PRKN: variants seen among roughly 807,000 people sequenced by gnomAD.
PRKN encodes E3 ubiquitin-protein ligase parkin.
Under a neutral mutation model 59.5 loss-of-function variants are expected in PRKN, and 56 were observed. The ratio of observed to expected loss-of-function variants is 0.94; its 90% CI spans 0.76 to 1.18. The LOEUF is 1.18. PRKN is among the 50% of genes most tolerant of loss of function. The probability of loss-of-function intolerance (pLI) is 0.00; values close to 1 mark genes in which losing one functional copy is unlikely to be tolerated. For missense variants in PRKN, 657 were observed against 596.4 expected, an observed-to-expected ratio of 1.10 and a Z score of -1.06; for synonymous variants, 250 against 222.1, an observed-to-expected ratio of 1.13 and a Z score of -1.12.
rs192793331 is a variant in PRKN, at chr6:161,566,699, G to T, written c.933+2656C>A. Among the ~76,000 whole-genome samples, 1 of 152,022 alleles carries T rather than the reference G, an allele frequency of 6.6e-6. No homozygotes were observed. Among genetic ancestry groups the T allele is most frequent in the Non-Finnish European group, 1.5e-5 (1 of 67,992 alleles). ...TGGGATTACAGGTGTGAGCTGCCAC[G>T]CCTGGCCTCCTCCCACTTTATTATT... On this transcript the variant is annotated intron_variant, in intron 8 of 11. Transcript: ENST00000366898. This position sits in a 1 kb window ranked among gnomAD's most constrained non-coding sequence, Gnocchi z 4.1.
At chr6:161,420,393 G>T (rs1788045496) in intron 9 of PRKN, among the ~76,000 whole-genome samples, 2 of 152,184 alleles carry the variant, frequency 1.3e-5, no homozygotes, top group South Asian at 4.1e-4. Flanking sequence ...GCAAGGGCTG[G>T]AGTGGCCTCA....
At chr6:162,390,755 A>G (rs1027715901) in intron 2 of PRKN, among the ~76,000 whole-genome samples, 1 of 152,026 alleles carries the variant, frequency 6.6e-6, no homozygotes, top group African/African-American at 2.4e-5. Flanking sequence ...GCTAAGGTAT[A>G]TTAACGGTCA....
chr6:161,537,923 C>T (rs1583204469), intron 9 of PRKN, among the ~76,000 whole-genome samples: 1 of 152,270 alleles, frequency 6.6e-6, no homozygotes, highest in Non-Finnish European at 1.5e-5. Context: ...AGCACTAATA[C>T]CTTGAGAGGA....
At chr6:162,381,570 C>T (rs1206981625) in intron 2 of PRKN, among the ~76,000 whole-genome samples, 1 of 152,174 alleles carries the variant, frequency 6.6e-6, no homozygotes, top group Admixed American at 6.5e-5. Context: ...TTCCATTTAT[C>T]ATGTTTCTAT....
intron 7 of PRKN, among the ~76,000 whole-genome samples, chr6:161,695,322 A>C (rs1785974116): frequency 6.6e-6 from 1 of 152,220 alleles, no homozygotes; most frequent in Non-Finnish European, 1.5e-5. Context: ...TTCCTCTATA[A>C]TGATGAACAA....
At chr6:162,330,887 A>AC (rs1433989393) in intron 2 of PRKN, among the ~76,000 whole-genome samples, 1 of 152,196 alleles carries the variant, frequency 6.6e-6, no homozygotes, top group African/African-American at 2.4e-5. Flanking sequence ...TCAACAGCCC[A>AC]CCTAAAGCCA....
intron 7 of PRKN, among the ~76,000 whole-genome samples, chr6:161,709,720 C>T (rs1030614753): frequency 6.6e-6 from 1 of 152,076 alleles, no homozygotes; most frequent in Non-Finnish European, 1.5e-5. Flanking sequence ...TTTGCTGTCT[C>T]CATTAAATCT....
At chr6:162,326,179 C>T (rs1177446885) in intron 2 of PRKN, among the ~76,000 whole-genome samples, 3 of 151,966 alleles carry the variant, frequency 2.0e-5, no homozygotes, top group Non-Finnish European at 4.4e-5. Flanking sequence ...GTTGAAGTTA[C>T]AACAAATTAA....
chr6:161,349,898 T>C lies in PRKN; in HGVS notation c.*201A>G. ...AGGAGCTTCTTCTGTAATTTTACTC[T>C]GCTGTTTTTCATGGACATAGTGAAA... On this transcript the variant is annotated 3_prime_UTR_variant, in exon 12 of 12. Coordinates refer to ENST00000366898, the MANE Select transcript of PRKN (RefSeq NM_004562.3). The surrounding 1 kb of genome is among the most constrained non-coding windows in gnomAD (Gnocchi z 5.5). 1 of 622,840 alleles carries C rather than the reference T, an allele frequency of 1.6e-6. No homozygotes were observed. The highest frequency in any genetic ancestry group is 2.9e-6 in the Non-Finnish European group (1 of 342,210). The allele number at this position is 622,840 out of a possible 1,614,324, so 38.6% of individuals were successfully genotyped here.
intron 2 of PRKN, among the ~76,000 whole-genome samples, chr6:162,292,064 A>G (rs1236019362): frequency 6.6e-6 from 1 of 151,368 alleles, no homozygotes; most frequent in East Asian, 2.0e-4. Flanking sequence ...CCCACATTCA[A>G]GCGATTCTCC....
At chr6:162,108,367 C>T (rs1213651455) in intron 4 of PRKN, among the ~76,000 whole-genome samples, 1 of 152,160 alleles carries the variant, frequency 6.6e-6, no homozygotes, top group Admixed American at 6.5e-5. Context: ...GCGCACTTCA[C>T]TAAATATTAC....
At chr6:162,218,896 C>T (rs1367540377) in intron 3 of PRKN, among the ~76,000 whole-genome samples, 7 of 152,064 alleles carry the variant, frequency 4.6e-5, no homozygotes, top group African/African-American at 1.4e-4. Context: ...TTACACACCT[C>T]GGCATGGTGG....
intron 6 of PRKN, among the ~76,000 whole-genome samples, chr6:161,931,560 A>G (rs1045396572): frequency 6.6e-6 from 1 of 152,300 alleles, no homozygotes; most frequent in East Asian, 1.9e-4. Context: ...TTCTTTATCA[A>G]TTACCCAGTC....
chr6:161,425,947 A>G (rs947441151), intron 9 of PRKN, among the ~76,000 whole-genome samples: 1 of 151,978 alleles, frequency 6.6e-6, no homozygotes, highest in Non-Finnish European at 1.5e-5. Context: ...TCCTCCTTTT[A>G]GAGACTAATA....
intron 7 of PRKN, among the ~76,000 whole-genome samples, chr6:161,711,558 G>A (rs1786751544): frequency 6.6e-6 from 1 of 152,162 alleles, no homozygotes; most frequent in Non-Finnish European, 1.5e-5. Context: ...AAGTTGAGAG[G>A]AGTGATGGTT....
At chr6:162,250,192 G>C (rs1006767336) in intron 3 of PRKN, among the ~76,000 whole-genome samples, 7 of 151,676 alleles carry the variant, frequency 4.6e-5, no homozygotes, top group East Asian at 1.9e-4. Flanking sequence ...TATAAGGGGG[G>C]GGGCAGGGAA....
chr6:161,844,071 C>G (rs536136297), intron 6 of PRKN, among the ~76,000 whole-genome samples: 2 of 151,934 alleles, frequency 1.3e-5, no homozygotes, highest in East Asian at 3.9e-4. Context: ...AGTTAGCAGC[C>G]GAGATAATGA....
In PRKN at chr6:161,369,414, G is replaced by C. The variant is rs1785351509; in HGVS notation, c.1168-9209C>G. Among the ~76,000 whole-genome samples, 1 of 152,176 alleles carries C rather than the reference G, an allele frequency of 6.6e-6. No homozygotes were observed. The highest frequency in any genetic ancestry group is 2.1e-4 in the South Asian group (1 of 4,826). On this transcript the variant is annotated intron_variant, in intron 10 of 11. Coordinates refer to ENST00000366898, the MANE Select transcript of PRKN (RefSeq NM_004562.3). This position sits in a 1 kb window ranked among gnomAD's most constrained non-coding sequence, Gnocchi z 5.8. ...TCCTCTGGAGGGCGATTCTCCCTTT[G>C]CGCCTGAAGAGGAACATGGTGAGCT...
intron 1 of PRKN, among the ~76,000 whole-genome samples, chr6:162,497,698 A>G (rs543401251): frequency 6.6e-6 from 1 of 152,300 alleles, no homozygotes; most frequent in South Asian, 2.1e-4. Flanking sequence ...CACTTCTTAC[A>G]TGCCATGCGA....
Sources: gnomAD v4.1 joint callset for allele counts (sites outside exome capture counted in the v4.1 genomes callset) on GRCh38, gnomAD v4.1.1 for gene constraint, Gnocchi (gnomAD v3.1) non-coding constraint, MANE v1.5 for transcripts, NCBI Gene and HGNC (gene_info 2026-07-23, HGNC 2026-07-21) for gene names.